Variants in PALM2AKAP2 observed in about 807,000 individuals in gnomAD.
PALM2AKAP2 encodes the protein PALM2 and AKAP2 fusion.
A neutral mutation model predicts 71.5 loss-of-function variants in PALM2AKAP2; 37 were observed. The ratio of observed to expected loss-of-function variants is 0.52; its 90% CI spans 0.40 to 0.68. PALM2AKAP2 has a LOEUF of 0.68. Among genes scored for constraint, PALM2AKAP2 ranks in the 30% least tolerant of loss-of-function variants. The probability of loss-of-function intolerance (pLI) is 0.00; values close to 1 mark genes in which losing one functional copy is unlikely to be tolerated. For missense variants in PALM2AKAP2, 1,224 were observed against 1,191.8 expected (o/e 1.03, Z -0.40); for synonymous variants, 468 against 478.8 (o/e 0.98, Z 0.29).
intron 1 of PALM2AKAP2, among the ~76,000 whole-genome samples, chr9:109,707,583 T>A (rs1828163716): frequency 6.6e-6 from 1 of 152,208 alleles, no homozygotes; most frequent in Admixed American, 6.5e-5. Flanking sequence ...CATTGACTTT[T>A]GGCTTGATTT....
intron 2 of PALM2AKAP2, among the ~76,000 whole-genome samples, chr9:110,154,065 T>G (rs1261226154): frequency 6.6e-6 from 1 of 152,170 alleles, no homozygotes; most frequent in Non-Finnish European, 1.5e-5. Context: ...ATGCAAAAAT[T>G]TTATGCAGAA....
intron 1 of PALM2AKAP2, among the ~76,000 whole-genome samples, chr9:109,796,730 T>C (rs1035334542): frequency 2.0e-5 from 3 of 152,146 alleles, no homozygotes; most frequent in African/African-American, 7.2e-5. Context: ...CAAACACTTA[T>C]AAAACCATCA....
At chr9:109,843,265 G>A (rs1195936973) in intron 1 of PALM2AKAP2, among the ~76,000 whole-genome samples, 2 of 123,318 alleles carry the variant, frequency 1.6e-5, no homozygotes, top group Non-Finnish European at 3.1e-5. Flanking sequence ...TGGCACTACC[G>A]CACTCTAACC....
At chr9:109,920,593 C>T (rs1021133823) in intron 3 of PALM2AKAP2, among the ~76,000 whole-genome samples, 5 of 151,810 alleles carry the variant, frequency 3.3e-5, no homozygotes, top group African/African-American at 1.2e-4. Flanking sequence ...TTGATCAGGC[C>T]AGTCCCAAAC....
intron 3 of PALM2AKAP2, among the ~76,000 whole-genome samples, chr9:110,161,865 T>A (rs1836608386): frequency 6.6e-6 from 1 of 151,938 alleles, no homozygotes; most frequent in Non-Finnish European, 1.5e-5. Flanking sequence ...AAAGTACGGC[T>A]TATCTGATAT....
At chr9:109,999,274 G>A (rs146780457) in intron 6 of PALM2AKAP2, among the ~76,000 whole-genome samples, 2,813 of 152,036 alleles carry the variant, frequency 0.019, 99 homozygotes, top group African/African-American at 0.065. Flanking sequence ...TGGAGGTGGA[G>A]ATTACAGTGA....
At chr9:109,867,959 G>A (rs933607761) in intron 2 of PALM2AKAP2, among the ~76,000 whole-genome samples, 2 of 152,114 alleles carry the variant, frequency 1.3e-5, no homozygotes, top group South Asian at 2.1e-4. Context: ...TTCACGGAAC[G>A]TTCTTTTTAT....
chr9:109,656,118 G>C (rs558963736), intron 1 of PALM2AKAP2, among the ~76,000 whole-genome samples: 1 of 152,192 alleles, frequency 6.6e-6, no homozygotes. Context: ...AAATGGGTTA[G>C]AGTATCTGAC....
intron 1 of PALM2AKAP2, among the ~76,000 whole-genome samples, chr9:110,103,371 AC>A: frequency 6.6e-6 from 1 of 152,306 alleles, no homozygotes; most frequent in Middle Eastern, 3.4e-3. Context: ...GCTCATAGTC[AC>A]TGCATAGCTT....
intron 1 of PALM2AKAP2, among the ~76,000 whole-genome samples, chr9:109,737,863 T>C (rs1045564777): frequency 3.3e-5 from 5 of 152,182 alleles, no homozygotes; most frequent in Non-Finnish European, 7.3e-5. Context: ...AGTTTGAAGG[T>C]TTTATTCCAA....
At chr9:109,640,898 T>C (rs1466174754) in intron 1 of PALM2AKAP2, 1 of 1,510,994 alleles carries the variant, frequency 6.6e-7, no homozygotes. Context: ...CGCCAGCTGC[T>C]CTCCTCTCGG....
chr9:110,139,024 G>A (rs7048801), intron 2 of PALM2AKAP2, among the ~76,000 whole-genome samples: 2,873 of 152,226 alleles, frequency 0.019, 96 homozygotes, highest in African/African-American at 0.065. Flanking sequence ...GTCATGGCAT[G>A]GCATTGCAGA....
chr9:109,681,601 G>C (rs948137581), intron 1 of PALM2AKAP2, among the ~76,000 whole-genome samples: 6 of 152,184 alleles, frequency 3.9e-5, no homozygotes, highest in African/African-American at 1.4e-4. Flanking sequence ...TGGGGGATCA[G>C]CATGACAAAA....
intron 3 of PALM2AKAP2, among the ~76,000 whole-genome samples, chr9:109,894,228 T>C (rs7874160): frequency 0.98 from 149,016 of 152,226 alleles, 72,955 homozygotes; most frequent in East Asian, 1. Flanking sequence ...ATCCCAGCTA[T>C]TCGGAAGGCT....
At chr9:110,117,028 G>A (rs773917939) in intron 1 of PALM2AKAP2, among the ~76,000 whole-genome samples, 4 of 152,208 alleles carry the variant, frequency 2.6e-5, no homozygotes, top group Non-Finnish European at 5.9e-5. Context: ...TTTAATTTAT[G>A]TATGATACTC....
intron 1 of PALM2AKAP2, among the ~76,000 whole-genome samples, chr9:110,118,407 C>A (rs1035758451): frequency 6.6e-6 from 1 of 151,952 alleles, no homozygotes; most frequent in African/African-American, 2.4e-5. Context: ...CCACCACGCC[C>A]GGCTAATTTT....
chr9:109,798,025 C>A (rs1468759954), intron 1 of PALM2AKAP2, among the ~76,000 whole-genome samples: 1 of 152,108 alleles, frequency 6.6e-6, no homozygotes, highest in Admixed American at 6.6e-5. Flanking sequence ...AGTCTGAAAT[C>A]AAGATGTCCA....
intron 1 of PALM2AKAP2, among the ~76,000 whole-genome samples, chr9:109,780,853 A>G (rs1400167003): frequency 6.6e-6 from 1 of 152,204 alleles, no homozygotes; most frequent in Non-Finnish European, 1.5e-5. Flanking sequence ...CCGAATGCTC[A>G]GGCATACGTT....
chr9:109,712,360 G>A (rs1314110690), intron 1 of PALM2AKAP2, among the ~76,000 whole-genome samples: 2 of 152,144 alleles, frequency 1.3e-5, no homozygotes, highest in African/African-American at 4.8e-5. Context: ...CTCAAGTCAC[G>A]TTTCAACATA....
Sources: allele counts gnomAD v4.1 joint callset (sites outside exome capture counted in the v4.1 genomes callset), GRCh38; gene constraint gnomAD v4.1.1; transcripts MANE v1.5; gene names NCBI Gene and HGNC (gene_info 2026-07-23, HGNC 2026-07-21).